The following IGSF11 variants were observed in gnomAD, a reference collection of about 807,000 sequenced individuals.
IGSF11 encodes the protein immunoglobulin superfamily member 11, also known as CXADR like 1.
IGSF11 carries 22 observed loss-of-function variants against 41.0 expected under a neutral mutation model. The ratio of observed to expected loss-of-function variants is 0.54; its 90% CI spans 0.38 to 0.77. IGSF11 has a LOEUF of 0.77. IGSF11 is among the 30% of genes least tolerant of loss of function. The probability of loss-of-function intolerance (pLI) is 0.00; values close to 1 mark genes in which losing one functional copy is unlikely to be tolerated. For synonymous variants in IGSF11, 219 were observed against 201.3 expected, an observed-to-expected ratio of 1.09 and a Z score of -0.74; for missense variants, 444 against 530.8, an observed-to-expected ratio of 0.84 and a Z score of 1.61.
intron 1 of IGSF11, among the ~76,000 whole-genome samples, chr3:118,969,429 G>T (rs1933113258): frequency 6.6e-6 from 1 of 152,180 alleles, no homozygotes; most frequent in Non-Finnish European, 1.5e-5. Flanking sequence ...TGAGGGGACT[G>T]GGCTGCGTAA....
chr3:118,946,722 G>A (rs1451131541), intron 1 of IGSF11, among the ~76,000 whole-genome samples: 1 of 152,160 alleles, frequency 6.6e-6, no homozygotes, highest in Non-Finnish European at 1.5e-5. Flanking sequence ...TTTATGACAA[G>A]GTAAAACAAT....
rs376069090 is a variant in IGSF11, at chr3:118,969,717, G to A, written c.53-39442C>T. On this transcript the variant is annotated intron_variant, in intron 1 of 6. Transcript: ENST00000393775. ...GCTGAATGGTGAAAATTAAATTTCAGTCAAGTCAGGGTAATCTCAATTTCT... is the reference window on the plus strand; with the variant it reads ...GCTGAATGGTGAAAATTAAATTTCAATCAAGTCAGGGTAATCTCAATTTCT... 1.2e-4 allele frequency among the ~76,000 whole-genome samples: 19 copies of A among 152,288 alleles called. No homozygotes were observed. The East Asian group carries it at 1.4e-3, about 11-fold the overall frequency.
intron 1 of IGSF11, among the ~76,000 whole-genome samples, chr3:119,017,776 CTTTTTTTTT>C (rs567222914): frequency 1.0e-5 from 1 of 100,258 alleles, no homozygotes; most frequent in African/African-American, 3.9e-5. Flanking sequence ...GTTTGTTTTA[CTTTTTTTTT>C]TTTTTTTTTT....
At chr3:119,060,362 A>G (rs1231247535) in intron 1 of IGSF11, among the ~76,000 whole-genome samples, 1 of 152,196 alleles carries the variant, frequency 6.6e-6, no homozygotes, top group African/African-American at 2.4e-5. Context: ...GTCAAAACAT[A>G]AGAAAAAACA....
At chr3:119,004,916 G>C (rs1048503995) in intron 1 of IGSF11, among the ~76,000 whole-genome samples, 4 of 152,008 alleles carry the variant, frequency 2.6e-5, no homozygotes, top group African/African-American at 9.7e-5. Context: ...GTGTGGTGTG[G>C]TGCTGAAAAA....
Position 119,145,524 on chromosome 3 carries a change from C to T in IGSF11, c.-14+289G>A, listed in dbSNP as rs181144403. ...TTCCTTTCTGGAACTCTGATTTGGC[C>T]TCCTTCTAACTCGCCTCTCTGCTGT... On this transcript the variant is annotated intron_variant, in intron 1 of 7. Coordinates refer to the IGSF11 transcript ENST00000425327. Among the ~76,000 whole-genome samples the T allele has an allele frequency of 3.3e-5, 5 of 152,338 alleles. No homozygotes were observed. In the East Asian group the frequency reaches 7.7e-4, roughly 23 times the overall value.
intron 1 of IGSF11, among the ~76,000 whole-genome samples, chr3:119,112,427 C>T (rs1285802798): frequency 1.3e-5 from 2 of 152,124 alleles, no homozygotes; most frequent in Non-Finnish European, 2.9e-5. Flanking sequence ...CCTGGTGTGC[C>T]GTTTCCTAAG....
At chr3:118,964,495 C>T (rs1303430051) in intron 1 of IGSF11, among the ~76,000 whole-genome samples, 4 of 152,006 alleles carry the variant, frequency 2.6e-5, no homozygotes, top group Non-Finnish European at 5.9e-5. Flanking sequence ...ACACACTTTA[C>T]AGCAAATACA....
intron 4 of IGSF11, among the ~76,000 whole-genome samples, chr3:118,916,630 A>G (rs1440200175): frequency 6.6e-6 from 1 of 151,312 alleles, no homozygotes; most frequent in Non-Finnish European, 1.5e-5. Context: ...ACCTACAAAG[A>G]GACTTAGACT....
chr3:119,012,514 G>A (rs1322833100), intron 1 of IGSF11, among the ~76,000 whole-genome samples: 2 of 152,040 alleles, frequency 1.3e-5, no homozygotes, highest in Non-Finnish European at 2.9e-5. Context: ...CTAAGATCTG[G>A]CTGGCTCATC....
intron 1 of IGSF11, among the ~76,000 whole-genome samples, chr3:119,120,241 G>A (rs935219296): frequency 6.6e-6 from 1 of 152,172 alleles, no homozygotes; most frequent in Non-Finnish European, 1.5e-5. Flanking sequence ...ATCCAAGAGT[G>A]ATCCCTAGAA....
At chr3:119,074,888 A>C (rs2076466963) in intron 1 of IGSF11, among the ~76,000 whole-genome samples, 2 of 152,190 alleles carry the variant, frequency 1.3e-5, no homozygotes, top group East Asian at 3.9e-4. Context: ...AAAAGTTAGA[A>C]AGATCTCAAA....
chr3:119,126,547 C>G (rs574125572), intron 1 of IGSF11, among the ~76,000 whole-genome samples: 1 of 152,298 alleles, frequency 6.6e-6, no homozygotes, highest in South Asian at 2.1e-4. Context: ...GAGTCCTGCT[C>G]CCTGTACCAC....
chr3:118,939,342 A>G (rs1341507457), intron 1 of IGSF11, among the ~76,000 whole-genome samples: 1 of 152,030 alleles, frequency 6.6e-6, no homozygotes, highest in African/African-American at 2.4e-5. Flanking sequence ...TTGGGACGCC[A>G]AGGCAGGTGG....
chr3:119,005,753 G>A (rs1279570635), intron 1 of IGSF11, among the ~76,000 whole-genome samples: 14 of 109,154 alleles, frequency 1.3e-4, no homozygotes, highest in African/African-American at 6.6e-4. Context: ...GAAATTCTGG[G>A]TTGAAAATTC....
At chr3:119,113,386 G>T (rs1434481108) in intron 1 of IGSF11, among the ~76,000 whole-genome samples, 1 of 152,178 alleles carries the variant, frequency 6.6e-6, no homozygotes, top group Non-Finnish European at 1.5e-5. Flanking sequence ...TATGGGCATT[G>T]GAAAAATACT....
intron 4 of IGSF11, among the ~76,000 whole-genome samples, chr3:118,909,673 C>T (rs1020740825): frequency 3.9e-5 from 6 of 152,238 alleles, no homozygotes; most frequent in South Asian, 2.1e-4. Context: ...TAGGATACAT[C>T]CTGCTTCACA....
rs146189772 is a variant in IGSF11 at position 118,931,069 on chromosome 3, T to G, written c.53-794A>C. On this transcript the variant is annotated intron_variant, in intron 1 of 6. Transcript: ENST00000393775. ...GGGTTGAGAGTACTGAAATAAATCT[T>G]TATATTTATGGTCAAATGCTTCTCA... Among the ~76,000 whole-genome samples the G allele has an allele frequency of 9.8e-5, 15 of 152,300 alleles. No homozygotes were observed. The East Asian group carries it at 2.9e-3, about 29-fold the overall frequency.
At position 119,048,766 on chromosome 3, in the gene IGSF11, G is replaced by A. The variant is rs1283782885; in HGVS notation, c.49+56378C>T. Reference sequence around the variant, plus strand: ...ATCCTCAATAAAATACTGGCAAACCGAATCCAGCAGCACATCAAAAAGCTT... The same window carrying A: ...ATCCTCAATAAAATACTGGCAAACCAAATCCAGCAGCACATCAAAAAGCTT... On this transcript the variant is annotated intron_variant, in intron 1 of 6. Transcript: ENST00000354673. Among the ~76,000 whole-genome samples, 33 of 151,990 alleles carry A rather than the reference G, an allele frequency of 2.2e-4. 1 individual carries two copies. The highest frequency in any genetic ancestry group is 7.7e-4 in the East Asian group (4 of 5,178).
Sources: gnomAD v4.1 joint callset for allele counts (sites outside exome capture counted in the v4.1 genomes callset) on GRCh38, gnomAD v4.1.1 for gene constraint, MANE v1.5 for transcripts, NCBI Gene and HGNC (gene_info 2026-07-23, HGNC 2026-07-21) for gene names.